Variants in AGMO observed in about 807,000 individuals in gnomAD.
AGMO encodes glyceryl-ether monooxygenase.
Under a neutral mutation model 60.2 loss-of-function variants are expected in AGMO, and 75 were observed. That is an observed-to-expected ratio of 1.25 (90% CI 1.03 to 1.51). The LOEUF is 1.51. Among genes scored for constraint, AGMO ranks in the 40% most tolerant of loss-of-function variants. The pLI is 0.00. For missense variants in AGMO, 763 were observed against 525.5 expected, an observed-to-expected ratio of 1.45 and a Z score of -4.42; for synonymous variants, 261 against 177.1, an observed-to-expected ratio of 1.47 and a Z score of -3.76.
intron 2 of AGMO, among the ~76,000 whole-genome samples, chr7:15,552,308 A>G (rs1401567651): frequency 6.6e-5 from 10 of 152,244 alleles, no homozygotes; most frequent in Non-Finnish European, 1.3e-4. Context: ...ACAAAAGCCA[A>G]AATTGACAAA....
rs146065354 is a variant in AGMO at position 15,471,423 on chromosome 7, C to T, written c.410-40315G>A. On this transcript the variant is annotated intron_variant, in intron 3 of 12. Coordinates refer to ENST00000342526, the MANE Select transcript of AGMO (RefSeq NM_001004320.2). ...TATAAGCATATTCCATTCTCTATAA[C>T]TATAAAAATGAGATCATTACCCAGG... Among the ~76,000 whole-genome samples, 27 of 151,976 alleles carry T rather than the reference C, an allele frequency of 1.8e-4. No homozygotes were observed. In the East Asian group the frequency reaches 4.8e-3, roughly 27 times the overall value.
Position 15,430,351 on chromosome 7 carries a change from C to A in AGMO, c.513+654G>T, listed in dbSNP as rs1044212787. Among the ~76,000 whole-genome samples, 7 of 151,638 alleles carry A rather than the reference C, an allele frequency of 4.6e-5. No individual in the cohort carries two copies. The East Asian group carries it at 1.4e-3, about 29-fold the overall frequency. ...CACTGTTCAACATACATTTCAGTAT[C>A]ATGTATTTTCATAACCAAGAAGAGC... On this transcript the variant is annotated intron_variant, in intron 4 of 12. Transcript: ENST00000342526.
Position 15,221,826 on chromosome 7 carries a change from A to G in AGMO, c.1264-20467T>C, listed in dbSNP as rs182976603. On this transcript the variant is annotated intron_variant, in intron 12 of 12. Transcript: ENST00000342526. ...GGAAACATAGTTATTCTTCTATTGC[A>G]GTATCCGTGAACTAGAAGATAATTG... Among the ~76,000 whole-genome samples the G allele has an allele frequency of 2.3e-3, 349 of 152,300 alleles. 1 individual carries two copies. The highest frequency in any genetic ancestry group is 7.9e-3 in the African/African-American group (329 of 41,580).
At chr7:15,316,169 G>A (rs1288509985) in intron 12 of AGMO, among the ~76,000 whole-genome samples, 2 of 152,016 alleles carry the variant, frequency 1.3e-5, no homozygotes, top group Non-Finnish European at 2.9e-5. Flanking sequence ...AGTTGCCAAG[G>A]GAAAAACAAA....
At chr7:15,433,842 A>G (rs577040810) in intron 3 of AGMO, among the ~76,000 whole-genome samples, 38 of 152,074 alleles carry the variant, frequency 2.5e-4, no homozygotes, top group African/African-American at 8.9e-4. Context: ...CTAGTGCCAA[A>G]TGTAATTCTG....
chr7:15,241,459 CAAAAAAAA>C (rs61727790), intron 12 of AGMO, among the ~76,000 whole-genome samples: 87 of 51,362 alleles, frequency 1.7e-3, no homozygotes, highest in Non-Finnish European at 2.0e-3. Context: ...GACTCCGTCT[CAAAAAAAA>C]AAAAAAAAAA....
At chr7:15,359,315 GATTT>G (rs1018603747) in intron 12 of AGMO, among the ~76,000 whole-genome samples, 63 of 149,308 alleles carry the variant, frequency 4.2e-4, no homozygotes, top group South Asian at 8.4e-4. Flanking sequence ...AAAGAAATTA[GATTT>G]ATTATTTTTA....
At chr7:15,553,821 G>A (rs949368425) in intron 2 of AGMO, among the ~76,000 whole-genome samples, 21 of 151,888 alleles carry the variant, frequency 1.4e-4, no homozygotes, top group Admixed American at 3.3e-4. Context: ...TTATTACTCC[G>A]TCAACTGACT....
At chr7:15,376,334 C>A (rs1018625950) in intron 10 of AGMO, among the ~76,000 whole-genome samples, 1 of 151,990 alleles carries the variant, frequency 6.6e-6, no homozygotes, top group Non-Finnish European at 1.5e-5. Flanking sequence ...CTAATTTGTG[C>A]AGGTGGCACT....
At chr7:15,509,982 C>T (rs750373306) in intron 3 of AGMO, among the ~76,000 whole-genome samples, 3 of 152,116 alleles carry the variant, frequency 2.0e-5, no homozygotes, top group Non-Finnish European at 4.4e-5. Context: ...TAAATTGGTA[C>T]AGCCATTATA....
intron 12 of AGMO, among the ~76,000 whole-genome samples, chr7:15,211,322 G>A (rs1781581541): frequency 6.6e-6 from 1 of 151,940 alleles, no homozygotes; most frequent in South Asian, 2.1e-4. Flanking sequence ...AGTGACAGAT[G>A]TGACATAAAT....
chr7:15,545,061 G>T, intron 2 of AGMO, 138 bp from the exon 3 acceptor site: 2 of 573,672 alleles, frequency 3.5e-6, no homozygotes, highest in Non-Finnish European at 2.6e-6. Context: ...TGTCTTCTAT[G>T]TCATTCCTTT....
chr7:15,313,897 G>T (rs1456588067), intron 12 of AGMO, among the ~76,000 whole-genome samples: 1 of 151,762 alleles, frequency 6.6e-6, no homozygotes, highest in African/African-American at 2.4e-5. Context: ...AAAATACCTT[G>T]CTGTACTATA....
chr7:15,431,088 C>G lies in AGMO; in HGVS notation c.430G>C (p.Gly144Arg), dbSNP rs147126714. 6.2e-7 allele frequency: 1 copy of G among 1,610,462 alleles called. No individual in the cohort carries two copies. Among genetic ancestry groups the G allele is most frequent in the South Asian group, 1.1e-5 (1 of 90,820 alleles). Residue 144 changes from glycine to arginine, a missense_variant, in exon 4 of 13, where the codon GGA (glycine) becomes CGA (arginine). Physicochemically the swap from Gly to Arg is moderately radical, Grantham distance 125. Coordinates refer to ENST00000342526, the MANE Select transcript of AGMO (RefSeq NM_001004320.2). Reference protein sequence around the residue: ...MAHEVNIMWAGHQTHHSSEDY... With the variant: ...MAHEVNIMWARHQTHHSSEDY... ...TCAGAACTATGATGTGTTTGGTGTCCGGCCCACATAATATTAACTTCTGCA... is the reference window on the plus strand; with the variant it reads ...TCAGAACTATGATGTGTTTGGTGTCGGGCCCACATAATATTAACTTCTGCA...
intron 3 of AGMO, among the ~76,000 whole-genome samples, chr7:15,456,702 C>T (rs945278083): frequency 1.3e-5 from 2 of 152,130 alleles, no homozygotes; most frequent in Non-Finnish European, 2.9e-5. Context: ...ATCTGTACAC[C>T]TCTTTCAGAT....
intron 10 of AGMO, among the ~76,000 whole-genome samples, chr7:15,383,376 G>A (rs996270511): frequency 1.4e-5 from 2 of 143,768 alleles, no homozygotes; most frequent in South Asian, 4.2e-4. Flanking sequence ...AGTTACGTTA[G>A]TTAATAAATC....
In AGMO at chr7:15,418,458, A is replaced by C. The variant is rs1780836793; in HGVS notation, c.609+100T>G. 4 of 715,530 alleles carry C rather than the reference A, an allele frequency of 5.6e-6. No homozygotes were observed. In the Admixed American group the frequency reaches 9.8e-5, roughly 18 times the overall value. The allele number at this position is 715,530 out of a possible 1,614,324, so 44.3% of individuals were successfully genotyped here. On this transcript the variant is annotated intron_variant, in intron 5 of 12. Transcript: ENST00000342526. ...TGTTTCTCCTTAGAAAAGGCAGACA[A>C]AGATTTTTCTTACACAATAAATCAT...
chr7:15,456,175 C>A (rs1247260770), intron 3 of AGMO, among the ~76,000 whole-genome samples: 1 of 152,030 alleles, frequency 6.6e-6, no homozygotes, highest in Non-Finnish European at 1.5e-5. Context: ...TTTCTGTCTT[C>A]ATATATTTAA....
At chr7:15,556,499 C>G (rs1406713953) in intron 2 of AGMO, among the ~76,000 whole-genome samples, 2 of 151,910 alleles carry the variant, frequency 1.3e-5, no homozygotes, top group South Asian at 4.1e-4. Flanking sequence ...AACAAACATA[C>G]TGTAGATATT....
Sources: allele counts gnomAD v4.1 joint callset (sites outside exome capture counted in the v4.1 genomes callset), GRCh38; gene constraint gnomAD v4.1.1; transcripts MANE v1.5; gene names NCBI Gene and HGNC (gene_info 2026-07-23, HGNC 2026-07-21).